The following PCID2 variants were observed in gnomAD, a reference collection of about 807,000 sequenced individuals.
PCID2 encodes the protein PCI domain containing 2, also known as PCI domain-containing protein 2.
Under a neutral mutation model 61.3 loss-of-function variants are expected in PCID2, and 41 were observed. The observed-to-expected ratio is 0.67, with a 90% CI of 0.52 to 0.87. The LOEUF (loss-of-function observed/expected upper bound fraction) is 0.87. PCID2 is among the 40% of genes least tolerant of loss of function. The pLI, the probability that PCID2 is intolerant of heterozygous loss-of-function variation, is 0.00. For missense variants in PCID2, 392 were observed against 493.4 expected (o/e 0.79, Z 1.95); for synonymous variants, 187 against 177.8 (o/e 1.05, Z -0.41).
chr13:113,189,527 G>A (rs2038417502), intron 7 of PCID2, among the ~76,000 whole-genome samples: 1 of 151,926 alleles, frequency 6.6e-6, no homozygotes. Context: ...ATCTTTCTTT[G>A]CTTTAAAATT....
At chr13:113,191,124 C>CTG (rs2038582242) in intron 6 of PCID2, 149 bp from the exon 7 acceptor site, 2 of 457,032 alleles carry the variant, frequency 4.4e-6, no homozygotes, top group Admixed American at 7.9e-5. Context: ...TCCTGAGGAG[C>CTG]TGGAACCATG....
chr13:113,172,240 C>G, the PCID2 span: 3 of 1,279,686 alleles, frequency 2.3e-6, no homozygotes, highest in Admixed American at 5.9e-5. Flanking sequence ...GCTTGGCCCA[C>G]GCAGCAGCAG....
the PCID2 span, among the ~76,000 whole-genome samples, chr13:113,167,986 TCA>T: frequency 1.3e-5 from 2 of 152,150 alleles, no homozygotes; most frequent in African/African-American, 4.8e-5. Context: ...CTTTACCCTA[TCA>T]CAGTCCACTC....
chr13:113,171,165 G>A, the PCID2 span, among the ~76,000 whole-genome samples: 18 of 152,170 alleles, frequency 1.2e-4, no homozygotes, highest in South Asian at 2.1e-4. The surrounding 1 kb of genome is among the most constrained non-coding windows in gnomAD (Gnocchi z 5.1). Flanking sequence ...TTAAGTGATC[G>A]ACCTGCCTCG....
chr13:113,197,149 G>A (rs751605334), intron 4 of PCID2, 29 bp downstream of exon 4: 4 of 1,614,142 alleles, frequency 2.5e-6, no homozygotes, highest in Non-Finnish European at 3.4e-6. Context: ...GTTCTATGCG[G>A]GACAGCTGCC....
At chr13:113,182,257 G>C (rs1430243893) in intron 9 of PCID2, among the ~76,000 whole-genome samples, 1 of 152,078 alleles carries the variant, frequency 6.6e-6, no homozygotes, top group African/African-American at 2.4e-5. Flanking sequence ...GGCCACATTG[G>C]CACAAAAAAC....
intron 8 of PCID2, among the ~76,000 whole-genome samples, chr13:113,184,924 G>C (rs563013531): frequency 1.3e-5 from 2 of 150,320 alleles, no homozygotes; most frequent in Non-Finnish European, 3.0e-5. Context: ...GGAGGCTCTG[G>C]GAAGCCGTTC....
rs541366380 is a variant in PCID2, at chr13:113,181,267, C to A, written c.686-37G>T. 44 of 1,321,346 alleles carry A rather than the reference C, an allele frequency of 3.3e-5. No homozygotes were observed. In the East Asian group the frequency reaches 9.6e-4, roughly 29 times the overall value. 81.9% of individuals were successfully genotyped at this position (1,321,346 alleles called of 1,614,324 possible). ...GCAGAGCCAGCACGCATGAGACCAACGCACCTGCTTCAGGCCCCTTCCTGC... is the reference window on the plus strand; with the variant it reads ...GCAGAGCCAGCACGCATGAGACCAAAGCACCTGCTTCAGGCCCCTTCCTGC... On this transcript the variant is annotated intron_variant, in intron 9 of 13. Coordinates refer to ENST00000337344, the MANE Select transcript of PCID2 (RefSeq NM_001127202.4).
rs1160859643 is a variant in PCID2 at position 113,200,635 on chromosome 13, G to A, written c.37-119C>T. The A allele has an allele frequency of 1.2e-5, 7 of 578,026 alleles. No individual in the cohort carries two copies. In the East Asian group the frequency reaches 1.7e-4, roughly 14 times the overall value. The allele number at this position is 578,026 out of a possible 1,614,324, so 35.8% of individuals were successfully genotyped here. A position where few individuals can be genotyped will look rare whatever the true frequency, so the allele number is the denominator to read the frequency against. On this transcript the variant is annotated intron_variant, in intron 1 of 13. Coordinates refer to ENST00000337344, the MANE Select transcript of PCID2 (RefSeq NM_001127202.4). Reference sequence around the variant, plus strand: ...TTCATTTTCCCCTACTTTGAAAGAAGACAGAACAATCAAAATGTAACAGAT... The same window carrying A: ...TTCATTTTCCCCTACTTTGAAAGAAAACAGAACAATCAAAATGTAACAGAT...
chr13:113,202,515 A>G (rs2039504339), intron 1 of PCID2, among the ~76,000 whole-genome samples: 1 of 152,252 alleles, frequency 6.6e-6, no homozygotes, highest in African/African-American at 2.4e-5. Flanking sequence ...TGAAACATCT[A>G]TTTTAAGGCA....
At chr13:113,187,888 A>T (rs1012418427) in intron 7 of PCID2, 3 of 152,200 alleles carry the variant, frequency 2.0e-5, no homozygotes, top group Non-Finnish European at 4.4e-5. Context: ...TTGTTGTCGT[A>T]TCTGAGAAGC....
chr13:113,208,459 C>A, intron 1 of PCID2, 140 bp downstream of exon 1: 1 of 1,524,736 alleles, frequency 6.6e-7, no homozygotes. Context: ...TCGGCTCGCG[C>A]GGCTGCCCGC....
rs181751138 is a variant in PCID2 at position 113,208,146 on chromosome 13, G to A, written c.36+453C>T. 5.3e-5 allele frequency: 85 copies of A among 1,602,628 alleles called. No homozygotes were observed. The East Asian group carries it at 1.9e-3, about 35-fold the overall frequency. On this transcript the variant is annotated intron_variant, in intron 1 of 13. Coordinates refer to ENST00000337344, the MANE Select transcript of PCID2 (RefSeq NM_001127202.4). ...GGGGCACGAGCCCGGCCTGCAGCAC[G>A]GCCACAGCCTCGCGCTTACTCCTCC...
intron 2 of PCID2, among the ~76,000 whole-genome samples, chr13:113,199,140 T>C (rs767464499): frequency 3.3e-5 from 5 of 152,170 alleles, no homozygotes; most frequent in Non-Finnish European, 7.3e-5. Flanking sequence ...TTTCTGGGAG[T>C]GTCTGTGAGG....
chr13:113,187,689 T>C lies in PCID2; in HGVS notation c.468-2129A>G, dbSNP rs187726861. ...AAATTCTTTAAACATTTTAAAGAAT[T>C]TGAATTGGATTGTCTTTTTACTGTT... On this transcript the variant is annotated intron_variant, in intron 7 of 13. Transcript: ENST00000337344. The C allele has an allele frequency of 6.6e-5, 10 of 152,342 alleles. No homozygotes were observed. In the East Asian group the frequency reaches 1.9e-3, roughly 29 times the overall value. 9.4% of individuals were successfully genotyped at this position (152,342 alleles called of 1,614,324 possible). A position where few individuals can be genotyped will look rare whatever the true frequency, so the allele number is the denominator to read the frequency against.
At chr13:113,208,569 G>T in intron 1 of PCID2, 30 bp downstream of exon 1, 1 of 1,604,350 alleles carries the variant, frequency 6.2e-7, no homozygotes, top group Non-Finnish European at 8.5e-7. Context: ...GGCCAACCAC[G>T]CCGCCGCGCG....
At chr13:113,184,665 G>A (rs1036584681) in intron 8 of PCID2, among the ~76,000 whole-genome samples, 178 bp from the exon 9 acceptor site, 1 of 152,274 alleles carries the variant, frequency 6.6e-6, no homozygotes, top group Non-Finnish European at 1.5e-5. Context: ...CACCCTGGGA[G>A]GCTCTGCAAA....
the PCID2 span, chr13:113,170,545 A>T: frequency 6.9e-7 from 1 of 1,444,008 alleles, no homozygotes; most frequent in Non-Finnish European, 9.7e-7. Flanking sequence ...GTATTTTATC[A>T]TGAGTTTTTA....
the PCID2 span, among the ~76,000 whole-genome samples, chr13:113,167,463 G>A: frequency 0.2 from 30,889 of 152,054 alleles, 3,924 homozygotes; most frequent in East Asian, 0.55. Flanking sequence ...CAGTACCCGT[G>A]CTATGTGGGC....
Sources: allele counts gnomAD v4.1 joint callset (sites outside exome capture counted in the v4.1 genomes callset), GRCh38; gene constraint gnomAD v4.1.1; non-coding constraint Gnocchi (gnomAD v3.1); transcripts MANE v1.5; gene names NCBI Gene and HGNC (gene_info 2026-07-23, HGNC 2026-07-21).